Variants in SLC2A9 observed in about 807,000 individuals in gnomAD.
The protein encoded by SLC2A9 is solute carrier family 2 member 9, also known as solute carrier family 2, facilitated glucose transporter member 9.
SLC2A9 carries 39 observed loss-of-function variants against 50.6 expected under a neutral mutation model. That is an observed-to-expected ratio of 0.77 (90% CI 0.60 to 1.01). The LOEUF is 1.01. SLC2A9 is among the 50% of genes least tolerant of loss of function. The probability of loss-of-function intolerance (pLI) is 0.00; values close to 1 mark genes in which losing one functional copy is unlikely to be tolerated. For missense variants in SLC2A9, 686 were observed against 677.6 expected (o/e 1.01, Z -0.14); for synonymous variants, 324 against 276.9 (o/e 1.17, Z -1.69).
At chr4:10,003,536 C>A (rs1179925375) in intron 2 of SLC2A9, among the ~76,000 whole-genome samples, 1 of 152,226 alleles carries the variant, frequency 6.6e-6, no homozygotes, top group Non-Finnish European at 1.5e-5. Flanking sequence ...CCTGCAGGAA[C>A]ACTTTTCTCA....
chr4:9,937,370 C>T (rs1322298882), intron 6 of SLC2A9, among the ~76,000 whole-genome samples: 1 of 152,160 alleles, frequency 6.6e-6, no homozygotes, highest in South Asian at 2.1e-4. Flanking sequence ...CTTCACTCAG[C>T]ACCCTGTCCC....
intron 8 of SLC2A9, among the ~76,000 whole-genome samples, chr4:9,895,227 C>A (rs1449165406): frequency 6.6e-6 from 1 of 152,142 alleles, no homozygotes; most frequent in East Asian, 1.9e-4. Context: ...CAATGAAAGG[C>A]TGAACACATT....
At chr4:9,997,009 A>T in intron 2 of SLC2A9, 68 bp from the exon 3 acceptor site, 2 of 1,569,954 alleles carry the variant, frequency 1.3e-6, no homozygotes, top group Non-Finnish European at 1.8e-6. Flanking sequence ...AAGCCAGTGT[A>T]CAAAACAAAA....
At chr4:9,994,315 G>A (rs145244387) in intron 3 of SLC2A9, among the ~76,000 whole-genome samples, 1 of 152,232 alleles carries the variant, frequency 6.6e-6, no homozygotes, top group Non-Finnish European at 1.5e-5. Flanking sequence ...GAGGTCAATA[G>A]ATGGTAGCTT....
intron 2 of SLC2A9, among the ~76,000 whole-genome samples, chr4:10,018,165 C>T (rs1457294113): frequency 1.3e-5 from 2 of 152,184 alleles, no homozygotes; most frequent in East Asian, 3.9e-4. Flanking sequence ...GAGAATTGCA[C>T]CTGGATCTGA....
At position 10,032,187 on chromosome 4, in the gene SLC2A9, A is replaced by G. The variant is rs143022050; in HGVS notation, c.-40-6181T>C. ...TAAATTGACGTTCAGGTACCATTAT[A>G]GCAAACTCTAGAAAGCAGTGTAAGG... On this transcript the variant is annotated intron_variant, in intron 1 of 12. Transcript: ENST00000309065. Among the ~76,000 whole-genome samples the G allele has an allele frequency of 6.5e-3, 986 of 152,304 alleles. 5 individuals are homozygous for G. Among genetic ancestry groups the G allele is most frequent in the Non-Finnish European group, 0.011 (722 of 68,032 alleles).
intron 2 of SLC2A9, among the ~76,000 whole-genome samples, chr4:10,011,531 A>T (rs561193685): frequency 1.1e-4 from 17 of 152,366 alleles, no homozygotes; most frequent in African/African-American, 3.8e-4. Flanking sequence ...TTACAATGGC[A>T]TAAATCTGAA....
At chr4:9,831,266 G>A (rs1266408706) in intron 11 of SLC2A9, among the ~76,000 whole-genome samples, 1 of 152,110 alleles carries the variant, frequency 6.6e-6, no homozygotes, top group Non-Finnish European at 1.5e-5. Flanking sequence ...CTCAGGATGT[G>A]ATTAAGTTGA....
downstream of SLC2A9, among the ~76,000 whole-genome samples, chr4:9,775,988 ATCTGTGGTTCACATCACTTCCGC>A (rs1717509379): frequency 1.3e-5 from 2 of 152,006 alleles, no homozygotes; most frequent in South Asian, 4.2e-4. Flanking sequence ...TAAGGCTCAG[ATCTGTGGTTCACATCACTTCCGC>A]TCACATTCTA....
At chr4:9,965,151 G>C (rs977169211) in intron 5 of SLC2A9, among the ~76,000 whole-genome samples, 3 of 152,190 alleles carry the variant, frequency 2.0e-5, no homozygotes, top group African/African-American at 7.2e-5. Context: ...CTATTGTATA[G>C]GTAACAAATT....
intron 5 of SLC2A9, among the ~76,000 whole-genome samples, chr4:9,943,658 T>C (rs1748589990): frequency 6.6e-6 from 1 of 152,192 alleles, no homozygotes; most frequent in Non-Finnish European, 1.5e-5. Context: ...ATGATATGTG[T>C]GTCATAGTTT....
At chr4:9,931,952 CTCTCTCTCTCTATATATATA>C (rs1465271770) in intron 6 of SLC2A9, among the ~76,000 whole-genome samples, 2 of 57,236 alleles carry the variant, frequency 3.5e-5, no homozygotes, top group South Asian at 7.1e-4. Flanking sequence ...CTCTCTCTCT[CTCTCTCTCTCTATATATATA>C]TATATATATA....
chr4:9,822,868 A>G (rs1724598810), downstream of SLC2A9, among the ~76,000 whole-genome samples: 1 of 152,010 alleles, frequency 6.6e-6, no homozygotes, highest in African/African-American at 2.4e-5. Context: ...CTGGGAAGGG[A>G]TCGAGGCAGG....
intron 10 of SLC2A9, among the ~76,000 whole-genome samples, chr4:9,854,189 T>A (rs548577555): frequency 1.3e-5 from 2 of 152,116 alleles, no homozygotes; most frequent in African/African-American, 4.8e-5. Flanking sequence ...AAAATATCAA[T>A]GAATTCAAGA....
chr4:9,964,904 C>A (rs1369433786), intron 5 of SLC2A9, among the ~76,000 whole-genome samples: 1 of 152,186 alleles, frequency 6.6e-6, no homozygotes, highest in Non-Finnish European at 1.5e-5. Context: ...AAGCTCAAGT[C>A]CCACTGCCTC....
chr4:9,831,227 T>C (rs10022660), intron 11 of SLC2A9, among the ~76,000 whole-genome samples: 21,581 of 152,048 alleles, frequency 0.14, 1,906 homozygotes, highest in African/African-American at 0.25. Context: ...CCTCCTGAAA[T>C]TCATACGTTG....
At chr4:10,002,469 A>C (rs1760015396) in intron 2 of SLC2A9, among the ~76,000 whole-genome samples, 1 of 152,210 alleles carries the variant, frequency 6.6e-6, no homozygotes, top group African/African-American at 2.4e-5. Flanking sequence ...TCAGGGCACA[A>C]ATACAACTGC....
chr4:9,922,278 T>G (rs1364245829), intron 6 of SLC2A9, among the ~76,000 whole-genome samples: 3 of 147,326 alleles, frequency 2.0e-5, no homozygotes, highest in African/African-American at 5.0e-5. Context: ...TGAGACCACA[T>G]GGTCACAGGG....
At chr4:9,856,035 A>G (rs777787779) in intron 10 of SLC2A9, among the ~76,000 whole-genome samples, 5 of 152,358 alleles carry the variant, frequency 3.3e-5, no homozygotes, top group Non-Finnish European at 5.9e-5. Flanking sequence ...GGAAATATCC[A>G]TTCTGGACAT....
Sources: gnomAD v4.1 joint callset for allele counts (sites outside exome capture counted in the v4.1 genomes callset) on GRCh38, gnomAD v4.1.1 for gene constraint, MANE v1.5 for transcripts, NCBI Gene and HGNC (gene_info 2026-07-23, HGNC 2026-07-21) for gene names.